DAB1: variants seen among roughly 807,000 people sequenced by gnomAD.
DAB1 encodes DAB adaptor protein 1.
DAB1 carries 15 observed loss-of-function variants against 64.6 expected under a neutral mutation model. That is an observed-to-expected ratio of 0.23 (90% confidence interval 0.16 to 0.36). The LOEUF (loss-of-function observed/expected upper bound fraction) is 0.36, where lower values mean the gene tolerates loss of function less well. Among genes scored for constraint, DAB1 ranks in the 10% least tolerant of loss-of-function variants. DAB1 has a pLI of 1.00. For synonymous variants in DAB1, 235 were observed against 251.9 expected, an observed-to-expected ratio of 0.93 and a Z score of 0.64; for missense variants, 596 against 706.7, an observed-to-expected ratio of 0.84 and a Z score of 1.78.
At chr1:58,536,052 AT>A (rs1413455485) in intron 1 of DAB1, among the ~76,000 whole-genome samples, 3 of 152,330 alleles carry the variant, frequency 2.0e-5, no homozygotes, top group African/African-American at 4.8e-5. Flanking sequence ...AATCAAAAAA[AT>A]AATTATGCAA....
intron 2 of DAB1, among the ~76,000 whole-genome samples, chr1:57,148,003 C>T (rs780975129): frequency 2.0e-5 from 3 of 152,140 alleles, no homozygotes; most frequent in African/African-American, 7.2e-5. Context: ...TTCTTTTCTA[C>T]GCAACTTTCT....
chr1:58,007,249 T>TA (rs557511274), intron 5 of DAB1, among the ~76,000 whole-genome samples: 8 of 149,956 alleles, frequency 5.3e-5, no homozygotes, highest in African/African-American at 9.8e-5. Flanking sequence ...ATGATAACAT[T>TA]AAAAAAAAAA....
chr1:57,253,725 C>A (rs1179646820), intron 2 of DAB1, among the ~76,000 whole-genome samples: 1 of 152,104 alleles, frequency 6.6e-6, no homozygotes, highest in East Asian at 1.9e-4. Flanking sequence ...AGAAAACTTT[C>A]TTGTGTCAAA....
intron 4 of DAB1, among the ~76,000 whole-genome samples, chr1:57,121,575 A>G (rs1241686173): frequency 6.6e-6 from 1 of 151,338 alleles, no homozygotes; most frequent in African/African-American, 2.5e-5. Flanking sequence ...AGAAAAAGAA[A>G]AAAGAAAACC....
At chr1:57,451,619 A>G (rs764622936) in intron 7 of DAB1, among the ~76,000 whole-genome samples, 1 of 152,176 alleles carries the variant, frequency 6.6e-6, no homozygotes, top group Non-Finnish European at 1.5e-5. Context: ...AGATAATTAA[A>G]TTCTTAGAAA....
At chr1:57,314,915 T>C (rs145807522) in intron 1 of DAB1, among the ~76,000 whole-genome samples, 94 of 152,252 alleles carry the variant, frequency 6.2e-4, no homozygotes, top group African/African-American at 2.3e-3. Flanking sequence ...AATAATATAA[T>C]AGTCCCTGAT....
intron 4 of DAB1, among the ~76,000 whole-genome samples, chr1:58,284,011 A>C (rs1661626109): frequency 2.8e-5 from 1 of 35,550 alleles, no homozygotes; most frequent in African/African-American, 1.0e-4. Context: ...TAAATAATAG[A>C]AGGGAAAACC....
Position 56,994,874 on chromosome 1 carries a change from A to G in DAB1, c.*3270T>C, listed in dbSNP as rs1293462361. The G allele has an allele frequency of 6.6e-6, 1 of 152,258 alleles. No homozygotes were observed. The highest frequency in any genetic ancestry group is 1.5e-5 in the Non-Finnish European group (1 of 68,054). The allele number at this position is 152,258 out of a possible 1,614,324, so 9.4% of individuals were successfully genotyped here. A position where few individuals can be genotyped will look rare whatever the true frequency, so the allele number is the denominator to read the frequency against. ...AAAATTTTGCTGTTCTGTTGAATGCATTGTACATAAAGTTAAAAATAATGT... is the reference window on the plus strand; with the variant it reads ...AAAATTTTGCTGTTCTGTTGAATGCGTTGTACATAAAGTTAAAAATAATGT... On this transcript the variant is annotated 3_prime_UTR_variant, in exon 15 of 15. Coordinates refer to ENST00000371236, the MANE Select transcript of DAB1 (RefSeq NM_001365792.1).
chr1:57,344,849 T>C (rs1293541684), intron 1 of DAB1, among the ~76,000 whole-genome samples: 1 of 152,078 alleles, frequency 6.6e-6, no homozygotes, highest in Non-Finnish European at 1.5e-5. Context: ...ATCTGTAAAA[T>C]GGGGTAACAC....
intron 6 of DAB1, among the ~76,000 whole-genome samples, chr1:57,664,056 G>T (rs1646418502): frequency 6.6e-6 from 1 of 152,138 alleles, no homozygotes; most frequent in South Asian, 2.1e-4. Context: ...TGTGACCTAG[G>T]ACAAACCCTC....
rs1447708948 is a variant in DAB1 at position 58,274,852 on chromosome 1, C to A, written n.309+68500G>T. Among the ~76,000 whole-genome samples the A allele has an allele frequency of 5.3e-5, 8 of 152,244 alleles. No individual in the cohort carries two copies. In the East Asian group the frequency reaches 1.6e-3, roughly 30 times the overall value. ...GCTTCCCAGGTGAGGCAATGCCTCG[C>A]CCTGCTTCGGCTCGCGCACGGTGCG... On this transcript the variant is annotated intron_variant and non_coding_transcript_variant, in intron 4 of 20. Coordinates refer to the DAB1 transcript ENST00000485760.
intron 4 of DAB1, among the ~76,000 whole-genome samples, chr1:58,264,426 G>C (rs1661115658): frequency 6.6e-6 from 1 of 152,154 alleles, no homozygotes; most frequent in South Asian, 2.1e-4. Flanking sequence ...TGACGATTCT[G>C]ATGTATTAGT....
intron 7 of DAB1, among the ~76,000 whole-genome samples, chr1:57,529,451 G>A (rs1038416548): frequency 1.3e-5 from 2 of 152,004 alleles, no homozygotes; most frequent in African/African-American, 4.8e-5. Context: ...TGGATAGTGG[G>A]ACAAGACTTA....
At chr1:57,044,644 T>C (rs1648232928) in intron 9 of DAB1, among the ~76,000 whole-genome samples, 1 of 152,188 alleles carries the variant, frequency 6.6e-6, no homozygotes, top group South Asian at 2.1e-4. Flanking sequence ...AGAAAGTGTC[T>C]TTACTCACAC....
intron 7 of DAB1, among the ~76,000 whole-genome samples, chr1:57,476,083 G>A (rs1349057916): frequency 6.6e-6 from 1 of 151,926 alleles, no homozygotes; most frequent in Non-Finnish European, 1.5e-5. Context: ...AAAATTAGCT[G>A]GGCATGGTGG....
chr1:58,096,251 A>G (rs935707430), intron 5 of DAB1, among the ~76,000 whole-genome samples: 1 of 152,244 alleles, frequency 6.6e-6, no homozygotes, highest in African/African-American at 2.4e-5. Context: ...CTCTGGCAGT[A>G]TTATCCCTTT....
At position 57,151,677 on chromosome 1, in the gene DAB1, C is replaced by A. The variant is rs58979566; in HGVS notation, c.68-6248G>T. Reference sequence around the variant, plus strand: ...TTGGGGTTTTCAAATAGATAATAATCTCTTAAATATTTTTAAAAATTTAAA... The same window carrying A: ...TTGGGGTTTTCAAATAGATAATAATATCTTAAATATTTTTAAAAATTTAAA... On this transcript the variant is annotated intron_variant, in intron 2 of 14. Coordinates refer to ENST00000371236, the MANE Select transcript of DAB1 (RefSeq NM_001365792.1). Among the ~76,000 whole-genome samples, 1,310 of 151,708 alleles carry A rather than the reference C, an allele frequency of 8.6e-3. 18 individuals are homozygous for A. Among genetic ancestry groups the A allele is most frequent in the African/African-American group, 0.03 (1,250 of 41,256 alleles).
At chr1:57,682,765 G>A (rs1056061627) in intron 6 of DAB1, among the ~76,000 whole-genome samples, 7 of 152,142 alleles carry the variant, frequency 4.6e-5, no homozygotes, top group East Asian at 3.9e-4. Context: ...CCAGTGGAGC[G>A]CAGCCATAGG....
At chr1:57,439,100 T>C (rs915539475) in intron 7 of DAB1, among the ~76,000 whole-genome samples, 2 of 152,186 alleles carry the variant, frequency 1.3e-5, no homozygotes, top group African/African-American at 4.8e-5. Flanking sequence ...CGAGTCTCAG[T>C]GCTTCTGCAG....
Sources: gnomAD v4.1 joint callset for allele counts (sites outside exome capture counted in the v4.1 genomes callset) on GRCh38, gnomAD v4.1.1 for gene constraint, MANE v1.5 for transcripts, NCBI Gene and HGNC (gene_info 2026-07-23, HGNC 2026-07-21) for gene names.